The following SH2D4A variants were observed in gnomAD, a reference collection of about 807,000 sequenced individuals.
The protein encoded by SH2D4A is SH2 domain containing 4A.
SH2D4A carries 70 observed loss-of-function variants against 64.7 expected under a neutral mutation model. The observed-to-expected ratio is 1.08, with a 90% CI of 0.89 to 1.32. The LOEUF is 1.32. Ranked by LOEUF, SH2D4A falls within the 40% of genes most tolerant of loss-of-function variation. The pLI, the probability that SH2D4A is intolerant of heterozygous loss-of-function variation, is 0.00. For synonymous variants in SH2D4A, 268 were observed against 200.7 expected (o/e 1.34, Z -2.83); for missense variants, 706 against 540.1 (o/e 1.31, Z -3.04).
intron 8 of SH2D4A, among the ~76,000 whole-genome samples, chr8:19,387,845 G>C (rs963977509): frequency 5.9e-5 from 9 of 152,192 alleles, no homozygotes; most frequent in African/African-American, 2.2e-4. Context: ...TATTTGTAAA[G>C]CATGAAGAAC....
intron 8 of SH2D4A, among the ~76,000 whole-genome samples, chr8:19,385,736 T>G (rs1433892514): frequency 1.3e-5 from 2 of 152,196 alleles, no homozygotes; most frequent in East Asian, 1.9e-4. Flanking sequence ...CATATGTCAC[T>G]GAATAGGTTG....
intron 8 of SH2D4A, among the ~76,000 whole-genome samples, chr8:19,390,435 C>G (rs1047597057): frequency 1.4e-4 from 21 of 152,220 alleles, no homozygotes; most frequent in Middle Eastern, 3.4e-3. Context: ...GTTTTGTGCT[C>G]AAGAATTCCC....
chr8:19,319,781 T>C, intron 2 of SH2D4A, 53 bp downstream of exon 2: 1 of 1,476,370 alleles, frequency 6.8e-7, no homozygotes, highest in Non-Finnish European at 9.0e-7. Flanking sequence ...AGCTCCTGGC[T>C]TGCTTTGACA....
At chr8:19,392,430 G>A (rs1404885405) in intron 8 of SH2D4A, among the ~76,000 whole-genome samples, 1 of 152,096 alleles carries the variant, frequency 6.6e-6, no homozygotes, top group Non-Finnish European at 1.5e-5. Flanking sequence ...GCTGTTCTGT[G>A]TCTCATAGGC....
At chr8:19,356,816 A>G (rs547694130) in intron 4 of SH2D4A, among the ~76,000 whole-genome samples, 2 of 152,376 alleles carry the variant, frequency 1.3e-5, no homozygotes, top group African/African-American at 4.8e-5. Context: ...CCAGAGACTA[A>G]GGCATTTCTT....
chr8:19,336,069 G>A (rs534601542), intron 4 of SH2D4A, among the ~76,000 whole-genome samples: 32 of 152,066 alleles, frequency 2.1e-4, no homozygotes, highest in Admixed American at 9.2e-4. Context: ...CATGGTCAGG[G>A]GTTATTCCAC....
At chr8:19,371,777 T>C (rs1178864445) in intron 7 of SH2D4A, among the ~76,000 whole-genome samples, 1 of 152,218 alleles carries the variant, frequency 6.6e-6, no homozygotes, top group Non-Finnish European at 1.5e-5. Flanking sequence ...CTCTGTGTAT[T>C]TTCAAATAGC....
chr8:19,354,624 T>A (rs765515262), intron 4 of SH2D4A, among the ~76,000 whole-genome samples: 1 of 152,178 alleles, frequency 6.6e-6, no homozygotes, highest in Non-Finnish European at 1.5e-5. Flanking sequence ...AAATGTAAGA[T>A]AATTTAAAGA....
At chr8:19,326,126 C>G (rs1163750688) in intron 2 of SH2D4A, among the ~76,000 whole-genome samples, 2 of 152,198 alleles carry the variant, frequency 1.3e-5, no homozygotes, top group African/African-American at 2.4e-5. Context: ...TCATGCAGAA[C>G]GGTTTTGAAT....
chr8:19,320,179 GTAAGGAATTGCTA>G (rs527995098), intron 2 of SH2D4A, among the ~76,000 whole-genome samples: 99 of 152,268 alleles, frequency 6.5e-4, no homozygotes, highest in African/African-American at 2.2e-3. Flanking sequence ...CTGTTAAAAT[GTAAGGAATTGCTA>G]TAAGGAAAAA....
chr8:19,356,267 G>C (rs549468704), intron 4 of SH2D4A, among the ~76,000 whole-genome samples: 1 of 152,374 alleles, frequency 6.6e-6, no homozygotes, highest in South Asian at 2.1e-4. Context: ...AAAAGGGGAA[G>C]ATTGAGAAAG....
intron 5 of SH2D4A, among the ~76,000 whole-genome samples, chr8:19,359,688 A>T (rs1410947330): frequency 6.6e-6 from 1 of 152,240 alleles, no homozygotes; most frequent in Non-Finnish European, 1.5e-5. Flanking sequence ...GCAGGAAAAC[A>T]GTGTAAGGAA....
At chr8:19,357,931 G>A (rs1476787574) in intron 5 of SH2D4A, among the ~76,000 whole-genome samples, 3 of 152,126 alleles carry the variant, frequency 2.0e-5, no homozygotes, top group East Asian at 1.9e-4. Flanking sequence ...GAAGGTTCCT[G>A]AGATCGGGCT....
intron 2 of SH2D4A, among the ~76,000 whole-genome samples, chr8:19,331,497 T>C (rs1018903064): frequency 2.6e-5 from 4 of 152,150 alleles, no homozygotes; most frequent in African/African-American, 9.7e-5. Context: ...GCCCCCGGTT[T>C]AAGGGAGCAT....
In SH2D4A at chr8:19,363,961, A is replaced by G. The variant is rs145710491; in HGVS notation, c.707-111A>G. On this transcript the variant is annotated intron_variant, in intron 6 of 9. Transcript: ENST00000265807. ...AATGATTGTTCCTTATTATAAGCAG[A>G]CAACAAACTGCTGAGAACCTGCGCT... 1,782 of 949,808 alleles carry G rather than the reference A, an allele frequency of 1.9e-3. 26 individuals are homozygous for G. The African/African-American group carries it at 0.026, about 14-fold the overall frequency. 58.8% of individuals were successfully genotyped at this position (949,808 alleles called of 1,614,324 possible). A position where few individuals can be genotyped will look rare whatever the true frequency, so the allele number is the denominator to read the frequency against.
intron 4 of SH2D4A, among the ~76,000 whole-genome samples, chr8:19,342,103 G>T (rs1216069249): frequency 2.6e-5 from 4 of 152,160 alleles, no homozygotes; most frequent in African/African-American, 9.7e-5. Flanking sequence ...TGATTTATCA[G>T]TTGCTGCCAG....
chr8:19,327,808 C>G (rs139556007), intron 2 of SH2D4A, among the ~76,000 whole-genome samples: 1 of 152,188 alleles, frequency 6.6e-6, no homozygotes, highest in Non-Finnish European at 1.5e-5. Context: ...TCACAATAAA[C>G]GCCAGAGCAC....
intron 8 of SH2D4A, among the ~76,000 whole-genome samples, chr8:19,386,731 A>C (rs1264630037): frequency 2.0e-5 from 3 of 152,166 alleles, no homozygotes; most frequent in African/African-American, 4.8e-5. Flanking sequence ...TCTACTGTTT[A>C]ATTTAGTATT....
intron 4 of SH2D4A, among the ~76,000 whole-genome samples, chr8:19,354,812 A>C (rs10088460): frequency 0.29 from 44,465 of 152,076 alleles, 7,334 homozygotes; most frequent in African/African-American, 0.45. Flanking sequence ...ACTTTTGAAT[A>C]CATGGATTAG....
Sources: allele counts gnomAD v4.1 joint callset (sites outside exome capture counted in the v4.1 genomes callset), GRCh38; gene constraint gnomAD v4.1.1; transcripts MANE v1.5; gene names NCBI Gene and HGNC (gene_info 2026-07-23, HGNC 2026-07-21).